Variants in FCRL5 observed in about 807,000 individuals in gnomAD.
The protein encoded by FCRL5 is Fc receptor-like protein 5.
A neutral mutation model predicts 92.1 loss-of-function variants in FCRL5; 79 were observed. The observed-to-expected ratio is 0.86, with a 90% confidence interval of 0.72 to 1.03. The LOEUF is 1.03. Among genes scored for constraint, FCRL5 ranks in the 50% least tolerant of loss-of-function variants. The pLI, the probability that FCRL5 is intolerant of heterozygous loss-of-function variation, is 0.00. For synonymous variants in FCRL5, 466 were observed against 469.3 expected, an observed-to-expected ratio of 0.99 and a Z score of 0.09; for missense variants, 1,160 against 1,181.1, an observed-to-expected ratio of 0.98 and a Z score of 0.26.
chr1:157,543,088 A>C lies in FCRL5; in HGVS notation c.894T>G (p.Asn298Lys). Residue 298 changes from asparagine (N) to lysine (K), a missense_variant, in exon 6 of 17, where the codon AAT (asparagine) becomes AAG (lysine). Physicochemically the swap from Asn to Lys is moderately conservative, Grantham distance 94. Coordinates refer to ENST00000361835, the MANE Select transcript of FCRL5 (RefSeq NM_031281.3). ...GAAGTGTCACCTTGGTTCCCTCAAA[A>C]TTCAGAGCCTTTTCAGGGCTGAGAG... ...VLTLSPEKAL[N>K]FEGTKVTLHC... 1.2e-6 allele frequency: 2 copies of C among 1,614,214 alleles called. No individual in the cohort carries two copies. Among genetic ancestry groups the C allele is most frequent in the Non-Finnish European group, 1.7e-6 (2 of 1,180,022 alleles).
chr1:157,526,509 T>C (rs536309765), intron 9 of FCRL5, among the ~76,000 whole-genome samples: 2 of 152,204 alleles, frequency 1.3e-5, no homozygotes, highest in East Asian at 3.9e-4. Context: ...GTGCAAAGGA[T>C]CCTACAGAGA....
chr1:157,537,457 T>C (rs1651019274), intron 7 of FCRL5, among the ~76,000 whole-genome samples: 1 of 152,202 alleles, frequency 6.6e-6, no homozygotes, highest in Admixed American at 6.5e-5. Flanking sequence ...TGTCTCCTGA[T>C]AAGATGTTAT....
At chr1:157,519,445 T>TTGGTGGTCA (rs1167877929) in intron 13 of FCRL5, among the ~76,000 whole-genome samples, 10 of 152,214 alleles carry the variant, frequency 6.6e-5, no homozygotes, top group Admixed American at 6.5e-5. Flanking sequence ...ATGGAAAGAC[T>TTGGTGGTCA]TGGTGGTCAT....
At chr1:157,520,649 C>A in intron 11 of FCRL5, 102 bp from the exon 12 acceptor site, 1 of 836,868 alleles carries the variant, frequency 1.2e-6, no homozygotes, top group Non-Finnish European at 1.9e-6. Context: ...CCTAGGTGAG[C>A]AGGTCCCCGG....
At chr1:157,516,061 G>C in intron 15 of FCRL5, 188 bp from the exon 16 acceptor site, 1 of 675,942 alleles carries the variant, frequency 1.5e-6, no homozygotes. Context: ...TCTCAGCACT[G>C]ACAGACCCTC....
In FCRL5 at chr1:157,539,169, G is replaced by C. The variant is rs769975726; in HGVS notation, c.1319C>G (p.Ala440Gly). The change falls in exon 7 of 17, where the codon GCA becomes GGA. Residue 440 changes from alanine (A) to glycine (G), a missense_variant. Physicochemically the swap from Ala to Gly is moderately conservative, Grantham distance 60. Coordinates refer to ENST00000361835, the MANE Select transcript of FCRL5 (RefSeq NM_031281.3). ...GCAGTAGTAGTTCCCTGAATGCTCT[G>C]CAGTCAGAGAGAAGCTGATGGCCAC... The part of the protein sequence containing the change: ...GGVAISFSLT[A>G]EHSGNYYCTA... 2.2e-5 allele frequency: 36 copies of C among 1,614,224 alleles called. No individual in the cohort carries two copies. Among genetic ancestry groups the C allele is most frequent in the Non-Finnish European group, 3.1e-5 (36 of 1,180,042 alleles).
chr1:157,545,361 G>T (rs540642211), intron 3 of FCRL5, among the ~76,000 whole-genome samples: 10 of 151,890 alleles, frequency 6.6e-5, no homozygotes, highest in Non-Finnish European at 2.9e-5. Flanking sequence ...GAGCTCATGC[G>T]TATTTCTTTT....
chr1:157,524,972 C>A (rs1482547885), intron 9 of FCRL5, among the ~76,000 whole-genome samples: 1 of 152,130 alleles, frequency 6.6e-6, no homozygotes, highest in Non-Finnish European at 1.5e-5. Context: ...GTTATTTGCT[C>A]ATTTTTACAT....
chr1:157,540,992 G>A (rs1651233682), intron 6 of FCRL5, among the ~76,000 whole-genome samples: 1 of 152,296 alleles, frequency 6.6e-6, no homozygotes, highest in Admixed American at 6.5e-5. Context: ...TAAGTGAAGA[G>A]GCAGCAGTCA....
intron 9 of FCRL5, among the ~76,000 whole-genome samples, chr1:157,527,273 A>G (rs1650475468): frequency 6.6e-6 from 1 of 152,228 alleles, no homozygotes; most frequent in Admixed American, 6.5e-5. Flanking sequence ...CCACAACTAA[A>G]TCTCTTCCAA....
chr1:157,525,666 G>C (rs149762124), intron 9 of FCRL5, among the ~76,000 whole-genome samples: 84 of 152,330 alleles, frequency 5.5e-4, no homozygotes, highest in African/African-American at 1.9e-3. Context: ...TGGTGGACTT[G>C]TCTAGATAGA....
At chr1:157,535,193 C>T (rs1262127578) in intron 7 of FCRL5, among the ~76,000 whole-genome samples, 1 of 152,180 alleles carries the variant, frequency 6.6e-6, no homozygotes, top group Non-Finnish European at 1.5e-5. Flanking sequence ...GTCTTGCCAC[C>T]ACCAGACTCA....
In FCRL5 at chr1:157,544,442, C is replaced by T. The variant is rs773125006; in HGVS notation, c.664G>A (p.Val222Ile). The stretch of plus-strand genomic sequence containing the variant: ...CTGAAGAAGCGGAACCGGAGCGGGA[C>T]ATCTGACCTCTCTAGAGAGAGCTGG... ...ETQLSLERSD[V>I]PLRFRFFRDD... Residue 222 changes from valine (V) to isoleucine (I), a missense_variant, in exon 5 of 17, where the codon GTC becomes ATC. Physicochemically the swap from Val to Ile is conservative, Grantham distance 29 (BLOSUM62 3). Transcript: ENST00000361835. 13 of 1,614,100 alleles carry T rather than the reference C, an allele frequency of 8.1e-6. No homozygotes were observed. The highest frequency in any genetic ancestry group is 1.1e-5 in the Non-Finnish European group (13 of 1,180,050).
chr1:157,544,796 G>T lies in FCRL5; in HGVS notation c.559+35C>A. 2.5e-6 allele frequency: 4 copies of T among 1,612,544 alleles called. No individual in the cohort carries two copies. The South Asian group carries it at 4.4e-5, about 18-fold the overall frequency. Reference sequence around the variant, plus strand: ...CTATGACCCCAAGGAATCTCCTTTTGACCAACTCACTTCACAAAATAATGA... The same window carrying T: ...CTATGACCCCAAGGAATCTCCTTTTTACCAACTCACTTCACAAAATAATGA... On this transcript the variant is annotated intron_variant, in intron 4 of 16. Coordinates refer to ENST00000361835, the MANE Select transcript of FCRL5 (RefSeq NM_031281.3).
At chr1:157,518,532 G>C in intron 14 of FCRL5, 35 bp from the exon 15 acceptor site, 1 of 1,577,004 alleles carries the variant, frequency 6.3e-7, no homozygotes, top group East Asian at 2.2e-5. Flanking sequence ...AGGATGCTGA[G>C]GTTCTTGCCT....
Position 157,524,517 on chromosome 1 carries a change from C to T in FCRL5, c.2001G>A (p.Arg667=). ...GCAGGTCCCCCACCACAGCCTGGGC[C>T]CTGGGAGCCCTGAAGGTGAGGATGG... The part of the protein sequence containing the change: ...SRPILTFRAP[R]AQAVVGDLLE... Residue 667 remains arginine (R), a synonymous_variant, in exon 10 of 17, where the codon AGG becomes AGA. Coordinates refer to ENST00000361835, the MANE Select transcript of FCRL5 (RefSeq NM_031281.3). 6.2e-7 allele frequency: 1 copy of T among 1,613,104 alleles called. No homozygotes were observed.
At chr1:157,518,576 A>G in intron 14 of FCRL5, 79 bp from the exon 15 acceptor site, 1 of 1,484,064 alleles carries the variant, frequency 6.7e-7, no homozygotes, top group Non-Finnish European at 9.4e-7. Context: ...CCCCAGCCAG[A>G]GTCTCTTTTC....
At chr1:157,524,605 T>C (rs1650351229) in intron 9 of FCRL5, 48 bp from the exon 10 acceptor site, 2 of 1,515,686 alleles carry the variant, frequency 1.3e-6, no homozygotes, top group South Asian at 2.6e-5. Context: ...CTAAAATATA[T>C]TCCTTCATGC....
rs748883470 is a variant in FCRL5, at chr1:157,544,896, C to A, written c.494G>T (p.Arg165Leu). The change falls in exon 4 of 17, where the codon CGC becomes CTC. Residue 165 changes from arginine (R) to leucine (L), a missense_variant. Transcript: ENST00000361835. ...ACAACTTTCCTTATATCCAGTACAG[C>A]GATATGCACCATTGTCCTTGAGACA... ...HACLKDNGAYRCTGYKESCCP... is the reference protein window; with the variant it reads ...HACLKDNGAYLCTGYKESCCP... 2.5e-6 allele frequency: 4 copies of A among 1,614,064 alleles called. No homozygotes were observed. Among genetic ancestry groups the A allele is most frequent in the Non-Finnish European group, 3.4e-6 (4 of 1,179,910 alleles).
Sources: allele counts gnomAD v4.1 joint callset (sites outside exome capture counted in the v4.1 genomes callset), GRCh38; gene constraint gnomAD v4.1.1; transcripts MANE v1.5; gene names NCBI Gene and HGNC (gene_info 2026-07-23, HGNC 2026-07-21).